The following SYNPR variants were observed in gnomAD, a reference collection of about 807,000 sequenced individuals.
SYNPR encodes synaptoporin.
Under a neutral mutation model 32.9 loss-of-function variants are expected in SYNPR, and 23 were observed. That is an observed-to-expected ratio of 0.70 (90% confidence interval 0.50 to 0.99). The LOEUF (loss-of-function observed/expected upper bound fraction) is 0.99, where lower values mean the gene tolerates loss of function less well. Ranked by LOEUF, SYNPR falls within the 50% of genes least tolerant of loss-of-function variation. The pLI is 0.00. For missense variants in SYNPR, 318 were observed against 349.3 expected, an observed-to-expected ratio of 0.91 and a Z score of 0.71; for synonymous variants, 146 against 135.9, an observed-to-expected ratio of 1.07 and a Z score of -0.52.
At chr3:63,442,299 A>G (rs7645736) in intron 2 of SYNPR, among the ~76,000 whole-genome samples, 32,764 of 151,828 alleles carry the variant, frequency 0.22, 3,804 homozygotes, top group South Asian at 0.41. Context: ...GACTTTGGAC[A>G]ACTCCAAATT....
chr3:63,270,765 C>T lies in SYNPR; in HGVS notation n.287+3316C>T, dbSNP rs566017334. Reference sequence around the variant, plus strand: ...GTGTTATAAGGAGCTTATCACAGTGCCTGGCATGTAGTAAATTCTGAATAA... The same window carrying T: ...GTGTTATAAGGAGCTTATCACAGTGTCTGGCATGTAGTAAATTCTGAATAA... On this transcript the variant is annotated intron_variant and non_coding_transcript_variant, in intron 3 of 4. Coordinates refer to the SYNPR transcript ENST00000478456. 4.9e-4 allele frequency among the ~76,000 whole-genome samples: 75 copies of T among 152,192 alleles called. 1 individual carries two copies. The South Asian group carries it at 5.8e-3, about 12-fold the overall frequency.
At chr3:63,284,260 A>G (rs1482259946) in intron 2 of SYNPR, among the ~76,000 whole-genome samples, 1 of 152,190 alleles carries the variant, frequency 6.6e-6, no homozygotes, top group African/African-American at 2.4e-5. Context: ...TGAAATGAAA[A>G]GTGGAGGACT....
chr3:63,501,520 GA>G (rs1230887767), intron 3 of SYNPR, among the ~76,000 whole-genome samples: 70 of 125,822 alleles, frequency 5.6e-4, no homozygotes, highest in African/African-American at 2.1e-3. Flanking sequence ...AAAAAGAAAA[GA>G]AAAAGAAAAA....
rs1575714731 is a variant in SYNPR at position 63,566,492 on chromosome 3, C to T, written c.408+9751C>T. Among the ~76,000 whole-genome samples, 7 of 152,120 alleles carry T rather than the reference C, an allele frequency of 4.6e-5. No homozygotes were observed. The South Asian group carries it at 1.5e-3, about 32-fold the overall frequency. On this transcript the variant is annotated intron_variant, in intron 4 of 5. Transcript: ENST00000478300. ...CATGGCTGTGTAGGCCTCACTGGAT[C>T]CCAGACCCTCTTACAGTCGCTAGGG...
intron 2 of SYNPR, among the ~76,000 whole-genome samples, chr3:63,311,171 C>A (rs1489605012): frequency 3.3e-5 from 5 of 151,882 alleles, no homozygotes; most frequent in Non-Finnish European, 7.4e-5. Context: ...ATGATTTTCC[C>A]TTTAATATCT....
In SYNPR at chr3:63,596,250, A is replaced by T. The variant is rs554232994; in HGVS notation, c.409-12875A>T. 2.8e-5 allele frequency among the ~76,000 whole-genome samples: 4 copies of T among 142,242 alleles called. No homozygotes were observed. In the South Asian group the frequency reaches 9.2e-4, roughly 33 times the overall value. 93.3% of individuals were successfully genotyped at this position (142,242 alleles called of 152,430 possible). A position where few individuals can be genotyped will look rare whatever the true frequency, so the allele number is the denominator to read the frequency against. The stretch of plus-strand genomic sequence containing the variant: ...CCTCTCCTCACTCTCCTCATCCTCA[A>T]TTCCTTCCCCCCTTCTTCTCTTCCC... On this transcript the variant is annotated intron_variant, in intron 4 of 5. Transcript: ENST00000478300.
At chr3:63,500,753 T>G (rs1205340173) in intron 3 of SYNPR, among the ~76,000 whole-genome samples, 1 of 152,182 alleles carries the variant, frequency 6.6e-6, no homozygotes, top group Admixed American at 6.5e-5. Flanking sequence ...TTCACTGCTT[T>G]TGTGGTATTT....
rs116676423 is a variant in SYNPR at position 63,470,747 on chromosome 3, A to G, written c.85-10085A>G. On this transcript the variant is annotated intron_variant, in intron 2 of 5. Transcript: ENST00000478300. ...TAAGACTCAGGAAAGCTGAAGATTC[A>G]CTTCCTAGTCTCCTATGCAGTGAAA... is the stretch of plus-strand genomic sequence containing the variant. 6.2e-3 allele frequency among the ~76,000 whole-genome samples: 940 copies of G among 152,238 alleles called. 13 individuals carry two copies. The highest frequency in any genetic ancestry group is 0.02 in the African/African-American group (845 of 41,552).
intron 3 of SYNPR, among the ~76,000 whole-genome samples, chr3:63,523,726 T>C (rs957812950): frequency 2.6e-5 from 4 of 152,120 alleles, no homozygotes; most frequent in African/African-American, 9.7e-5. Context: ...TTTTTGGGTT[T>C]TGTTTGTTTG....
chr3:63,409,900 C>A (rs1560221775), intron 2 of SYNPR, among the ~76,000 whole-genome samples: 1 of 152,142 alleles, frequency 6.6e-6, no homozygotes, highest in African/African-American at 2.4e-5. Context: ...AGCGTGGAAG[C>A]TCTGAGCCAA....
At chr3:63,555,954 G>T (rs940731512) in intron 3 of SYNPR, among the ~76,000 whole-genome samples, 4 of 152,306 alleles carry the variant, frequency 2.6e-5, no homozygotes, top group African/African-American at 9.6e-5. Context: ...TTGATTAATG[G>T]CAGGAAAAGG....
rs144961446 is a variant in SYNPR at position 63,309,945 on chromosome 3, G to A, written c.84+31203G>A. Among the ~76,000 whole-genome samples the A allele has an allele frequency of 1.7e-3, 256 of 151,990 alleles. 1 individual carries two copies. Among genetic ancestry groups the A allele is most frequent in the African/African-American group, 5.6e-3 (234 of 41,494 alleles). The stretch of plus-strand genomic sequence containing the variant: ...TCTTCTGCCTGCTTTGTGGGTGTCT[G>A]AGACGGTATTTGCATGACAACAGAC... On this transcript the variant is annotated intron_variant, in intron 2 of 5. Coordinates refer to ENST00000478300, the MANE Select transcript of SYNPR (RefSeq NM_001130003.2).
chr3:63,585,414 G>A (rs1170172351), intron 4 of SYNPR, among the ~76,000 whole-genome samples: 1 of 151,224 alleles, frequency 6.6e-6, no homozygotes, highest in Non-Finnish European at 1.5e-5. Context: ...GAAGGCAATG[G>A]CATTTCAGTC....
chr3:63,219,008 C>G, the SYNPR span, among the ~76,000 whole-genome samples: 5 of 152,106 alleles, frequency 3.3e-5, no homozygotes, highest in Admixed American at 6.5e-5. Context: ...TGCTTAGAGT[C>G]TAGTGAGAGA....
intron 2 of SYNPR, among the ~76,000 whole-genome samples, chr3:63,416,143 G>A (rs1158365888): frequency 7.9e-5 from 12 of 152,224 alleles, no homozygotes. Flanking sequence ...ACTGTTTTTA[G>A]TAAGAAGGCT....
intron 2 of SYNPR, among the ~76,000 whole-genome samples, chr3:63,342,219 T>G: frequency 6.6e-6 from 1 of 152,210 alleles, no homozygotes; most frequent in East Asian, 1.9e-4. Context: ...CATTTATCTG[T>G]TTGCCTAGTC....
At chr3:63,467,819 G>C (rs575752034) in intron 2 of SYNPR, among the ~76,000 whole-genome samples, 1 of 152,236 alleles carries the variant, frequency 6.6e-6, no homozygotes, top group South Asian at 2.1e-4. Flanking sequence ...CAAATGCATT[G>C]TAACAAGTTC....
chr3:63,328,296 C>T (rs1339765779), intron 2 of SYNPR, among the ~76,000 whole-genome samples: 1 of 152,188 alleles, frequency 6.6e-6, no homozygotes, highest in Non-Finnish European at 1.5e-5. Context: ...ATCTCCCTTT[C>T]TGGGAATGTC....
intron 1 of SYNPR, 56 bp from the exon 2 acceptor site, chr3:63,278,621 G>A (rs1473440776): frequency 1.3e-6 from 2 of 1,550,062 alleles, no homozygotes; most frequent in Non-Finnish European, 1.7e-6. Flanking sequence ...TGGGAGAGGC[G>A]CCCCCAGCCC....
Sources: allele counts gnomAD v4.1 joint callset (sites outside exome capture counted in the v4.1 genomes callset), GRCh38; gene constraint gnomAD v4.1.1; transcripts MANE v1.5; gene names NCBI Gene and HGNC (gene_info 2026-07-23, HGNC 2026-07-21).